Variants in ZFHX3 observed in about 807,000 individuals in gnomAD.
ZFHX3 encodes zinc finger homeobox 3.
A neutral mutation model predicts 279.1 loss-of-function variants in ZFHX3; 42 were observed. That is an observed-to-expected ratio of 0.15 (90% confidence interval 0.12 to 0.19). The LOEUF is 0.19. ZFHX3 is among the 10% of genes least tolerant of loss of function. The pLI is 1.00. For missense variants in ZFHX3, 4,981 were observed against 4,754.0 expected (o/e 1.05, Z -1.40); for synonymous variants, 2,293 against 1,957.8 (o/e 1.17, Z -4.52).
intron 1 of ZFHX3, among the ~76,000 whole-genome samples, chr16:73,016,925 A>G (rs1964120907): frequency 8.9e-6 from 1 of 112,780 alleles, no homozygotes; most frequent in South Asian, 2.6e-4. Flanking sequence ...TGCACCTTTG[A>G]AAAAAAAAAG....
At chr16:72,789,227 T>C (rs2035595150) in intron 9 of ZFHX3, 3 of 181,780 alleles carry the variant, frequency 1.7e-5, no homozygotes, top group Non-Finnish European at 3.4e-5. Flanking sequence ...GACAACCTTG[T>C]ATTCTAATGA....
intron 1 of ZFHX3, among the ~76,000 whole-genome samples, chr16:73,871,626 T>C (rs1597152096): frequency 6.6e-6 from 1 of 152,168 alleles, no homozygotes; most frequent in Middle Eastern, 3.4e-3. Flanking sequence ...AATAAATTAG[T>C]GACCAAATAA....
At chr16:73,462,105 A>T (rs1041648237) in intron 2 of ZFHX3, among the ~76,000 whole-genome samples, 12 of 150,718 alleles carry the variant, frequency 8.0e-5, no homozygotes, top group Non-Finnish European at 1.2e-4. Context: ...ACACCTGCGT[A>T]TTTTTTTTTA....
At chr16:72,817,682 C>T (rs1035794654) in intron 5 of ZFHX3, among the ~76,000 whole-genome samples, 3 of 152,210 alleles carry the variant, frequency 2.0e-5, no homozygotes, top group East Asian at 3.9e-4. Flanking sequence ...AAGCTGTCCA[C>T]GTTACTGGGA....
chr16:73,025,509 T>C (rs565418430), intron 1 of ZFHX3, among the ~76,000 whole-genome samples: 20 of 152,302 alleles, frequency 1.3e-4, no homozygotes, highest in African/African-American at 4.6e-4. Flanking sequence ...GACAGCACAA[T>C]CACACAGTAA....
chr16:72,956,490 T>A (rs2144425693), intron 2 of ZFHX3, among the ~76,000 whole-genome samples: 1 of 152,274 alleles, frequency 6.6e-6, no homozygotes, highest in African/African-American at 2.4e-5. Flanking sequence ...GCAGCAGCTA[T>A]CCTCAAAGTG....
chr16:73,388,973 G>A (rs1478249721), intron 3 of ZFHX3: 1 of 152,176 alleles, frequency 6.6e-6, no homozygotes, highest in African/African-American at 2.4e-5. Context: ...TAGAGGTTTT[G>A]TTTCTCTGCA....
chr16:73,136,475 A>G (rs1333869251), intron 6 of ZFHX3, among the ~76,000 whole-genome samples: 1 of 152,056 alleles, frequency 6.6e-6, no homozygotes, highest in Admixed American at 6.6e-5. Context: ...TGTAATCCCA[A>G]CACTCTGGGA....
chr16:73,593,440 C>T (rs1174455601), intron 2 of ZFHX3, among the ~76,000 whole-genome samples: 1 of 152,020 alleles, frequency 6.6e-6, no homozygotes, highest in Non-Finnish European at 1.5e-5. Flanking sequence ...CAGGTTTTAT[C>T]CCAGAAATGA....
At chr16:73,008,161 G>C (rs1366510398) in intron 1 of ZFHX3, among the ~76,000 whole-genome samples, 1 of 151,962 alleles carries the variant, frequency 6.6e-6, no homozygotes, top group African/African-American at 2.4e-5. Flanking sequence ...AGTTTGAGTT[G>C]AATACTTAAT....
chr16:73,404,234 C>T (rs1007728828), intron 3 of ZFHX3, among the ~76,000 whole-genome samples: 3 of 152,118 alleles, frequency 2.0e-5, no homozygotes, highest in African/African-American at 7.2e-5. Flanking sequence ...CAAGGCTGGA[C>T]TGTAGCCTCT....
At chr16:73,192,170 G>A (rs1597212830) in intron 5 of ZFHX3, among the ~76,000 whole-genome samples, 1 of 152,072 alleles carries the variant, frequency 6.6e-6, no homozygotes, top group East Asian at 1.9e-4. Flanking sequence ...GGAAGTCTCA[G>A]CCCCTGGGAT....
intron 1 of ZFHX3, among the ~76,000 whole-genome samples, chr16:73,738,541 G>C (rs146042232): frequency 6.6e-6 from 1 of 152,238 alleles, no homozygotes; most frequent in Non-Finnish European, 1.5e-5. Flanking sequence ...CATTGTGTTT[G>C]CTAGTTCTAA....
chr16:72,830,418 C>A (rs1481405537), intron 4 of ZFHX3, among the ~76,000 whole-genome samples: 1 of 152,216 alleles, frequency 6.6e-6, no homozygotes, highest in East Asian at 1.9e-4. Context: ...GATATGAGTT[C>A]ATCAGTTTGA....
At chr16:73,319,377 G>A (rs138445117) in intron 3 of ZFHX3, among the ~76,000 whole-genome samples, 50 of 152,048 alleles carry the variant, frequency 3.3e-4, no homozygotes, top group Non-Finnish European at 7.1e-4. Flanking sequence ...ACCAGCACAG[G>A]TTACTTGGCA....
chr16:72,927,316 C>G (rs1436231005), intron 3 of ZFHX3, among the ~76,000 whole-genome samples: 1 of 152,218 alleles, frequency 6.6e-6, no homozygotes, highest in Admixed American at 6.5e-5. Flanking sequence ...TTCCTTCTCT[C>G]TCAATTTCTC....
intron 5 of ZFHX3, among the ~76,000 whole-genome samples, chr16:73,218,044 T>C (rs917913001): frequency 3.9e-5 from 6 of 152,198 alleles, no homozygotes; most frequent in Non-Finnish European, 7.4e-5. Flanking sequence ...AAAAGCTTTT[T>C]GTCACTCCAT....
chr16:73,881,040 C>T (rs770861975), intron 1 of ZFHX3, among the ~76,000 whole-genome samples: 2 of 152,116 alleles, frequency 1.3e-5, no homozygotes, highest in Middle Eastern at 3.2e-3. Context: ...GTACTACATC[C>T]GCTCTTCAAA....
At chr16:73,169,595 G>T (rs1182008687) in intron 5 of ZFHX3, among the ~76,000 whole-genome samples, 1 of 151,776 alleles carries the variant, frequency 6.6e-6, no homozygotes, top group Non-Finnish European at 1.5e-5. Context: ...CGAGGCAGAG[G>T]TTGCAGTGAG....
Sources: gnomAD v4.1 joint callset for allele counts (sites outside exome capture counted in the v4.1 genomes callset) on GRCh38, gnomAD v4.1.1 for gene constraint, MANE v1.5 for transcripts, NCBI Gene and HGNC (gene_info 2026-07-23, HGNC 2026-07-21) for gene names.